The following ADAM12 variants were observed in gnomAD, a reference collection of about 807,000 sequenced individuals.
The protein encoded by ADAM12 is disintegrin and metalloproteinase domain-containing protein 12.
In ADAM12, 70 loss-of-function variants were observed where a neutral mutation model predicts 106.4. That is an observed-to-expected ratio of 0.66 (90% CI 0.54 to 0.80). The LOEUF is 0.80. Ranked by LOEUF, ADAM12 falls within the 30% of genes least tolerant of loss-of-function variation. The pLI, the probability that ADAM12 is intolerant of heterozygous loss-of-function variation, is 0.00. For synonymous variants in ADAM12, 420 were observed against 433.5 expected (o/e 0.97, Z 0.39); for missense variants, 1,010 against 1,171.9 (o/e 0.86, Z 2.02).
intron 14 of ADAM12, among the ~76,000 whole-genome samples, chr10:126,052,407 C>T (rs1234127958): frequency 6.6e-6 from 1 of 152,242 alleles, no homozygotes; most frequent in East Asian, 1.9e-4. Flanking sequence ...GCACGCAATG[C>T]TATTCTGATG....
chr10:126,132,530 C>CT (rs986036395), intron 5 of ADAM12, among the ~76,000 whole-genome samples: 1 of 141,856 alleles, frequency 7.0e-6, no homozygotes, highest in Non-Finnish European at 1.5e-5. Context: ...GAACACCCCC[C>CT]CCCCCTCAAC....
intron 2 of ADAM12, among the ~76,000 whole-genome samples, chr10:126,304,079 GGAGA>G (rs1218527049): frequency 6.6e-6 from 1 of 151,922 alleles, no homozygotes; most frequent in Non-Finnish European, 1.5e-5. Flanking sequence ...ATCATCCTTG[GGAGA>G]ATTGAGAAAG....
At chr10:126,135,857 T>C (rs1379297472) in intron 4 of ADAM12, among the ~76,000 whole-genome samples, 197 bp from the exon 5 acceptor site, 2 of 152,234 alleles carry the variant, frequency 1.3e-5, no homozygotes, top group Non-Finnish European at 2.9e-5. Flanking sequence ...ACTTACAGAT[T>C]ACCAACAGCG....
At chr10:126,253,629 A>G (rs1036096932) in intron 3 of ADAM12, among the ~76,000 whole-genome samples, 10 of 152,146 alleles carry the variant, frequency 6.6e-5, no homozygotes, top group South Asian at 2.1e-4. Flanking sequence ...CCCACCCCCC[A>G]GAGAAAACCC....
At chr10:126,104,881 C>T (rs1955735013) in intron 8 of ADAM12, among the ~76,000 whole-genome samples, 1 of 152,200 alleles carries the variant, frequency 6.6e-6, no homozygotes, top group South Asian at 2.1e-4. Flanking sequence ...GAGGAAGTTG[C>T]CACTGGCACA....
rs114948851 is a variant in ADAM12, at chr10:126,183,388, G to T, written c.261-28083C>A. On this transcript the variant is annotated intron_variant, in intron 3 of 22. Coordinates refer to ENST00000448723, the MANE Select transcript of ADAM12 (RefSeq NM_001288973.2). ...GGTGCTAGAAGGGTTGGGGACCACT[G>T]CACTAGAACACCACCCGTGTGCGAG... 5.5e-3 allele frequency among the ~76,000 whole-genome samples: 832 copies of T among 152,294 alleles called. 12 individuals carry two copies. The highest frequency in any genetic ancestry group is 0.019 in the African/African-American group (793 of 41,560).
chr10:126,235,777 T>C (rs1381497075), intron 3 of ADAM12, among the ~76,000 whole-genome samples: 2 of 152,162 alleles, frequency 1.3e-5, no homozygotes, highest in East Asian at 3.9e-4. Context: ...AGAAAAATAA[T>C]GGTCGTGTTC....
intron 6 of ADAM12, among the ~76,000 whole-genome samples, chr10:126,113,708 ATATATATATATATATATATATAT>A (rs1565067703): frequency 2.0e-4 from 18 of 90,226 alleles, no homozygotes; most frequent in African/African-American, 2.7e-4. Context: ...ATATATATAT[ATATATATATATATATATATATAT>A]AATATATTGC....
intron 3 of ADAM12, among the ~76,000 whole-genome samples, chr10:126,189,492 G>A (rs1019878792): frequency 6.6e-6 from 1 of 152,118 alleles, no homozygotes; most frequent in Non-Finnish European, 1.5e-5. Flanking sequence ...CCACAAGTAC[G>A]GCTGCTCTAC....
chr10:126,042,003 G>C lies in ADAM12; in HGVS notation c.2104+1037C>G, dbSNP rs1954184476. On this transcript the variant is annotated intron_variant, in intron 18 of 22. Coordinates refer to ENST00000448723, the MANE Select transcript of ADAM12 (RefSeq NM_001288973.2). ...CTTCCCCTCCTGAGCCCCGAGAACT[G>C]TGTTGTGTCTGTTGTCATGGAAACG... 11 of 1,455,574 alleles carry C rather than the reference G, an allele frequency of 7.6e-6. 1 individual carries two copies. The highest frequency in any genetic ancestry group is 9.0e-6 in the Non-Finnish European group (10 of 1,106,722). 90.2% of individuals were successfully genotyped at this position (1,455,574 alleles called of 1,614,324 possible). A position where few individuals can be genotyped will look rare whatever the true frequency, so the allele number is the denominator to read the frequency against.
At chr10:126,191,818 G>C (rs990043812) in intron 3 of ADAM12, among the ~76,000 whole-genome samples, 4 of 152,202 alleles carry the variant, frequency 2.6e-5, no homozygotes, top group African/African-American at 7.2e-5. Flanking sequence ...AGAAATGCCT[G>C]AGACTGGATA....
chr10:126,123,989 A>G (rs773287030), intron 5 of ADAM12, among the ~76,000 whole-genome samples: 5 of 152,202 alleles, frequency 3.3e-5, no homozygotes, highest in African/African-American at 1.2e-4. Context: ...CAAGAGACCT[A>G]TATTTCCTCA....
Position 126,194,983 on chromosome 10 carries a change from G to A in ADAM12, c.261-39678C>T, listed in dbSNP as rs544664006. 7.2e-5 allele frequency among the ~76,000 whole-genome samples: 11 copies of A among 152,182 alleles called. No individual in the cohort carries two copies. The South Asian group carries it at 2.1e-3, about 29-fold the overall frequency. ...AGTCTTGTTACTTTAAGCTAAGGTC[G>A]CATGATTGTAGTATTAAAAAATCTG... On this transcript the variant is annotated intron_variant, in intron 3 of 22. Coordinates refer to ENST00000448723, the MANE Select transcript of ADAM12 (RefSeq NM_001288973.2).
rs777707575 is a variant in ADAM12, at chr10:126,217,622, C to T, written c.260+61293G>A. Among the ~76,000 whole-genome samples, 121 of 150,472 alleles carry T rather than the reference C, an allele frequency of 8.0e-4. 1 individual carries two copies. The highest frequency in any genetic ancestry group is 8.6e-4 in the Non-Finnish European group (58 of 67,612). The stretch of plus-strand genomic sequence containing the variant: ...CCTCAGATAATCTGCCTGCCTTGGC[C>T]TCCCAAAGTGCTGGGATTACAGGCG... On this transcript the variant is annotated intron_variant, in intron 3 of 22. Coordinates refer to ENST00000448723, the MANE Select transcript of ADAM12 (RefSeq NM_001288973.2).
At chr10:126,091,165 T>G (rs1955457084) in intron 11 of ADAM12, among the ~76,000 whole-genome samples, 2 of 152,236 alleles carry the variant, frequency 1.3e-5, no homozygotes, top group Admixed American at 1.3e-4. Context: ...CCTTTAACTT[T>G]TTGATAGTTC....
chr10:126,285,840 AG>A (rs936532672), intron 2 of ADAM12, among the ~76,000 whole-genome samples: 24 of 152,184 alleles, frequency 1.6e-4, no homozygotes, highest in Non-Finnish European at 3.1e-4. Flanking sequence ...GCCCACCTCT[AG>A]GGCCCCCAGG....
At chr10:126,162,955 C>T (rs1956962418) in intron 3 of ADAM12, among the ~76,000 whole-genome samples, 1 of 152,122 alleles carries the variant, frequency 6.6e-6, no homozygotes, top group South Asian at 2.1e-4. Context: ...TTGGTGCTGT[C>T]TTCGTAAGAA....
chr10:126,084,309 G>T (rs1473589974), intron 11 of ADAM12, among the ~76,000 whole-genome samples: 2 of 152,148 alleles, frequency 1.3e-5, no homozygotes, highest in Non-Finnish European at 2.9e-5. Context: ...GAAAGACCAA[G>T]AACCCAGGGG....
intron 11 of ADAM12, among the ~76,000 whole-genome samples, chr10:126,079,331 C>A (rs1275992043): frequency 6.6e-6 from 1 of 152,026 alleles, no homozygotes; most frequent in Non-Finnish European, 1.5e-5. Flanking sequence ...ACTCCTCATT[C>A]TCCATTCCCC....
Sources: allele counts gnomAD v4.1 joint callset (sites outside exome capture counted in the v4.1 genomes callset), GRCh38; gene constraint gnomAD v4.1.1; transcripts MANE v1.5; gene names NCBI Gene and HGNC (gene_info 2026-07-23, HGNC 2026-07-21).